TAFA2: variants seen among roughly 807,000 people sequenced by gnomAD.
The protein encoded by TAFA2 is chemokine-like protein TAFA-2.
In TAFA2, 7 loss-of-function variants were observed where a neutral mutation model predicts 18.8. The observed-to-expected ratio is 0.37, with a 90% CI of 0.21 to 0.70. TAFA2 has a LOEUF of 0.70. Ranked by LOEUF, TAFA2 falls within the 30% of genes least tolerant of loss-of-function variation. The probability of loss-of-function intolerance (pLI) is 0.53; values close to 1 mark genes in which losing one functional copy is unlikely to be tolerated. For synonymous variants in TAFA2, 60 were observed against 54.2 expected (o/e 1.11, Z -0.47); for missense variants, 122 against 158.1 (o/e 0.77, Z 1.23).
chr12:61,913,274 C>T lies in TAFA2; in HGVS notation c.-1-45848G>A, dbSNP rs1356015943. Among the ~76,000 whole-genome samples, 3 of 151,948 alleles carry T rather than the reference C, an allele frequency of 2.0e-5. 1 individual carries two copies. Among genetic ancestry groups the T allele is most frequent in the African/African-American group, 7.3e-5 (3 of 41,336 alleles). ...GAAAGAAAATTGACCATAAAATGGC[C>T]CTGATTACTATACACAGTGCCCTTC... On this transcript the variant is annotated intron_variant, in intron 1 of 4. Transcript: ENST00000416284.
chr12:61,864,597 C>T (rs1207847501), intron 2 of TAFA2, among the ~76,000 whole-genome samples: 3 of 151,226 alleles, frequency 2.0e-5, no homozygotes, highest in African/African-American at 7.3e-5. Flanking sequence ...CACGGTGAAA[C>T]CCCGTCTCTA....
chr12:61,785,568 A>G (rs1870703855), intron 2 of TAFA2, among the ~76,000 whole-genome samples: 1 of 151,532 alleles, frequency 6.6e-6, no homozygotes, highest in Admixed American at 6.6e-5. Context: ...AATAATAACT[A>G]TAAATATTGA....
At chr12:61,743,171 A>G (rs780974218) in intron 4 of TAFA2, among the ~76,000 whole-genome samples, 1 of 152,032 alleles carries the variant, frequency 6.6e-6, no homozygotes, top group African/African-American at 2.4e-5. Flanking sequence ...TCCATGAGTA[A>G]GATATGATCT....
At chr12:61,789,117 C>A (rs1237297456) in intron 2 of TAFA2, among the ~76,000 whole-genome samples, 4 of 151,956 alleles carry the variant, frequency 2.6e-5, no homozygotes, top group East Asian at 1.9e-4. Flanking sequence ...ATGATAGTTT[C>A]TTTTCCTATG....
At chr12:61,814,529 GA>G (rs1287237115) in intron 2 of TAFA2, among the ~76,000 whole-genome samples, 1 of 151,310 alleles carries the variant, frequency 6.6e-6, no homozygotes, top group African/African-American at 2.5e-5. Context: ...GAACAGTTTA[GA>G]AAAGGGCAAG....
intron 1 of TAFA2, among the ~76,000 whole-genome samples, chr12:61,997,884 C>T (rs1429406498): frequency 1.3e-5 from 2 of 151,264 alleles, no homozygotes; most frequent in Non-Finnish European, 2.9e-5. Context: ...TTTAAAATAA[C>T]AAAGTATAAA....
intron 1 of TAFA2, among the ~76,000 whole-genome samples, chr12:61,882,858 G>A (rs1035099864): frequency 1.3e-5 from 2 of 152,178 alleles, no homozygotes; most frequent in South Asian, 4.1e-4. Flanking sequence ...ATTCCTCTGA[G>A]CCTCAGTTGA....
chr12:61,901,530 T>C (rs1289022895), intron 1 of TAFA2, among the ~76,000 whole-genome samples: 1 of 152,034 alleles, frequency 6.6e-6, no homozygotes. Flanking sequence ...CCAACTCTGA[T>C]GAAACAAATA....
chr12:61,820,181 G>C (rs961472014), intron 2 of TAFA2, among the ~76,000 whole-genome samples: 1 of 151,990 alleles, frequency 6.6e-6, no homozygotes, highest in African/African-American at 2.4e-5. Context: ...TAGATCAATG[G>C]TGATGTAGTG....
At chr12:61,869,202 T>C (rs1458524889) in intron 1 of TAFA2, among the ~76,000 whole-genome samples, 1 of 152,184 alleles carries the variant, frequency 6.6e-6, no homozygotes, top group African/African-American at 2.4e-5. Flanking sequence ...GTATTTGAGC[T>C]TTTAGATCAG....
In TAFA2 at chr12:62,072,164, G is replaced by A. The variant is rs1251858131; in HGVS notation, c.-2+119095C>T. ...TGAGCAAAAATCTTGCACCTTTTGT[G>A]TTAAAATAATCCATTCCTGGCCGGG... On this transcript the variant is annotated intron_variant, in intron 1 of 4. Coordinates refer to ENST00000416284, the MANE Select transcript of TAFA2 (RefSeq NM_178539.5). Among the ~76,000 whole-genome samples the A allele has an allele frequency of 2.6e-5, 4 of 152,082 alleles. No individual in the cohort carries two copies. In the East Asian group the frequency reaches 7.7e-4, roughly 29 times the overall value.
At chr12:62,213,775 C>G (rs1219285858) in intron 1 of TAFA2, among the ~76,000 whole-genome samples, 1 of 152,168 alleles carries the variant, frequency 6.6e-6, no homozygotes, top group Admixed American at 6.5e-5. Flanking sequence ...CACTGAAATT[C>G]ATTAAACTCA....
At chr12:61,719,769 T>C (rs117492189) in intron 4 of TAFA2, among the ~76,000 whole-genome samples, 45 of 152,262 alleles carry the variant, frequency 3.0e-4, no homozygotes, top group Non-Finnish European at 5.9e-4. Context: ...AAGAATATGT[T>C]GCTGTCACTT....
chr12:62,077,528 G>A (rs1868258578), intron 1 of TAFA2, among the ~76,000 whole-genome samples: 1 of 152,084 alleles, frequency 6.6e-6, no homozygotes. Context: ...GCCAATTTCG[G>A]AGAAGAAATT....
At chr12:61,799,080 A>T (rs1462866499) in intron 2 of TAFA2, among the ~76,000 whole-genome samples, 1 of 152,252 alleles carries the variant, frequency 6.6e-6, no homozygotes, top group Non-Finnish European at 1.5e-5. Flanking sequence ...ACTAGTATCA[A>T]ATATGCATAT....
intron 2 of TAFA2, among the ~76,000 whole-genome samples, chr12:61,802,159 G>A (rs1020965821): frequency 6.6e-6 from 1 of 152,022 alleles, no homozygotes; most frequent in African/African-American, 2.4e-5. Context: ...CATCACTGGT[G>A]GGAATGTAAA....
intron 1 of TAFA2, among the ~76,000 whole-genome samples, chr12:61,917,730 T>C (rs1193661546): frequency 6.6e-6 from 1 of 152,168 alleles, no homozygotes; most frequent in Non-Finnish European, 1.5e-5. Flanking sequence ...AGAATGTATG[T>C]TACCTGGGTA....
At chr12:61,795,527 C>A (rs1391541166) in intron 2 of TAFA2, among the ~76,000 whole-genome samples, 1 of 151,846 alleles carries the variant, frequency 6.6e-6, no homozygotes, top group African/African-American at 2.4e-5. Context: ...GGGAACTGAA[C>A]AATGAGAACG....
At chr12:61,763,131 A>G (rs1869633373) in intron 2 of TAFA2, among the ~76,000 whole-genome samples, 1 of 152,122 alleles carries the variant, frequency 6.6e-6, no homozygotes, top group South Asian at 2.1e-4. Flanking sequence ...AGTAATTTAA[A>G]TAGCTCAATG....
Sources: gnomAD v4.1 joint callset for allele counts (sites outside exome capture counted in the v4.1 genomes callset) on GRCh38, gnomAD v4.1.1 for gene constraint, MANE v1.5 for transcripts, NCBI Gene and HGNC (gene_info 2026-07-23, HGNC 2026-07-21) for gene names.